The following NFIB variants were observed in gnomAD, a reference collection of about 807,000 sequenced individuals.
NFIB encodes the protein nuclear factor I B.
Under a neutral mutation model 61.5 loss-of-function variants are expected in NFIB, and 11 were observed. That is an observed-to-expected ratio of 0.18 (90% confidence interval 0.11 to 0.30). The LOEUF (loss-of-function observed/expected upper bound fraction) is 0.30. NFIB is among the 10% of genes least tolerant of loss of function. NFIB has a pLI of 1.00. For synonymous variants in NFIB, 260 were observed against 216.5 expected (o/e 1.20, Z -1.76); for missense variants, 471 against 608.9 (o/e 0.77, Z 2.38).
At chr9:14,524,407 A>G in the NFIB span, among the ~76,000 whole-genome samples, 1 of 152,210 alleles carries the variant, frequency 6.6e-6, no homozygotes, top group African/African-American at 2.4e-5. Context: ...CATTTACAAC[A>G]TAATGTACTG....
At chr9:14,095,958 C>T (rs1472859003) in intron 10 of NFIB, among the ~76,000 whole-genome samples, 1 of 152,124 alleles carries the variant, frequency 6.6e-6, no homozygotes, top group Non-Finnish European at 1.5e-5. Context: ...TCTTCAATTA[C>T]TTGACCTTAA....
intron 10 of NFIB, chr9:14,096,296 C>T (rs550264487): frequency 1.3e-5 from 2 of 152,274 alleles, no homozygotes; most frequent in East Asian, 1.9e-4. Context: ...TCCTCCCTCT[C>T]CAGTAGCGCT....
the NFIB span, among the ~76,000 whole-genome samples, chr9:14,449,634 C>T: frequency 6.6e-6 from 1 of 152,086 alleles, no homozygotes; most frequent in Non-Finnish European, 1.5e-5. Flanking sequence ...TCAAAACAGA[C>T]AAAAATATTT....
rs563266927 is a variant in NFIB at position 14,233,787 on chromosome 9, C to T, written c.563-54007G>A. On this transcript the variant is annotated intron_variant, in intron 2 of 10. Coordinates refer to ENST00000380953, the MANE Select transcript of NFIB (RefSeq NM_001190737.2). Reference sequence around the variant, plus strand: ...CAAACTACAAATATTGAAAGGTGAGCATATGTACAAAGACAAAATTAACTA... The same window carrying T: ...CAAACTACAAATATTGAAAGGTGAGTATATGTACAAAGACAAAATTAACTA... Among the ~76,000 whole-genome samples the T allele has an allele frequency of 3.9e-5, 6 of 152,218 alleles. No individual in the cohort carries two copies. In the East Asian group the frequency reaches 9.7e-4, roughly 25 times the overall value.
chr9:14,514,696 A>G, the NFIB span, among the ~76,000 whole-genome samples: 2 of 152,164 alleles, frequency 1.3e-5, no homozygotes, highest in Non-Finnish European at 2.9e-5. Flanking sequence ...GGTCTTTTTC[A>G]GCTAAAATAT....
At chr9:14,322,536 T>A (rs910432541) in intron 1 of NFIB, among the ~76,000 whole-genome samples, 9 of 152,066 alleles carry the variant, frequency 5.9e-5, no homozygotes, top group Non-Finnish European at 8.8e-5. Flanking sequence ...GCGCTCCTCC[T>A]GCAGTCGCCT....
At chr9:14,112,913 T>G (rs2037593402) in intron 10 of NFIB, 86 bp downstream of exon 10, 2 of 1,318,000 alleles carry the variant, frequency 1.5e-6, no homozygotes, top group Non-Finnish European at 2.1e-6. Context: ...GGAGCCCCCT[T>G]CTGAGTCCGG....
In NFIB at chr9:14,085,019, A is replaced by C. The variant is rs2032625695; in HGVS notation, c.*3290T>G. 8.7e-6 allele frequency: 2 copies of C among 228,698 alleles called. No homozygotes were observed. The highest frequency in any genetic ancestry group is 4.4e-5 in the African/African-American group (2 of 45,078). The allele number at this position is 228,698 out of a possible 1,614,324, so 14.2% of individuals were successfully genotyped here. A position where few individuals can be genotyped will look rare whatever the true frequency, so the allele number is the denominator to read the frequency against. On this transcript the variant is annotated 3_prime_UTR_variant, in exon 11 of 11. Transcript: ENST00000380953. The stretch of plus-strand genomic sequence containing the variant: ...AAATACTGTGTGTCCTGTGAGGTTC[A>C]TTTGTTCACCTAATAGGTCAAAGAT...
chr9:14,464,381 G>A, the NFIB span, among the ~76,000 whole-genome samples: 20 of 152,308 alleles, frequency 1.3e-4, no homozygotes, highest in Middle Eastern at 3.4e-3. Flanking sequence ...CTCTTAGGCA[G>A]TGCTGTGTGT....
the NFIB span, among the ~76,000 whole-genome samples, chr9:14,427,944 T>TTTTGTTTGTTTG: frequency 1.4e-4 from 12 of 83,180 alleles, no homozygotes; most frequent in Non-Finnish European, 2.7e-4. Context: ...GTTGTTTTTT[T>TTTTGTTTGTTTG]TTTTTTTTTT....
intron 2 of NFIB, among the ~76,000 whole-genome samples, chr9:14,241,802 C>A (rs942963573): frequency 6.6e-6 from 1 of 152,014 alleles, no homozygotes; most frequent in Non-Finnish European, 1.5e-5. Flanking sequence ...AAATTAAATC[C>A]CATTCTTCCT....
chr9:14,499,896 TA>T, the NFIB span, among the ~76,000 whole-genome samples: 1 of 152,200 alleles, frequency 6.6e-6, no homozygotes, highest in Non-Finnish European at 1.5e-5. Flanking sequence ...CAATCACCCT[TA>T]AAAGAGCACA....
At chr9:14,528,128 C>G in the NFIB span, among the ~76,000 whole-genome samples, 1 of 152,152 alleles carries the variant, frequency 6.6e-6, no homozygotes, top group Non-Finnish European at 1.5e-5. Flanking sequence ...TTCAACTTCT[C>G]AAAGGCTTCA....
Position 14,086,896 on chromosome 9 carries a change from G to C in NFIB, c.*1413C>G, listed in dbSNP as rs1355141459. The C allele has an allele frequency of 5.1e-6, 1 of 197,332 alleles. No individual in the cohort carries two copies. The highest frequency in any genetic ancestry group is 1.0e-5 in the Non-Finnish European group (1 of 95,514). The allele number at this position is 197,332 out of a possible 1,614,324, so 12.2% of individuals were successfully genotyped here. ...AGAGTATTTTTAATTAAAATTTTAA[G>C]AGACATAGAGGCAAAATGTGTCTGC... is the stretch of plus-strand genomic sequence containing the variant. On this transcript the variant is annotated 3_prime_UTR_variant, in exon 11 of 11. Coordinates refer to ENST00000380953, the MANE Select transcript of NFIB (RefSeq NM_001190737.2).
At chr9:14,141,497 CG>C (rs1189529835) in intron 6 of NFIB, among the ~76,000 whole-genome samples, 1 of 152,052 alleles carries the variant, frequency 6.6e-6, no homozygotes. Context: ...AGCATGGAGT[CG>C]GTTCTCTCAT....
chr9:14,379,143 T>A (rs73641915), intron 1 of NFIB, among the ~76,000 whole-genome samples: 3,208 of 152,310 alleles, frequency 0.021, 101 homozygotes, highest in African/African-American at 0.072. Context: ...CTGGTGTATC[T>A]CTCTTTCTAC....
rs1046141319 is a variant in NFIB, at chr9:14,179,744, G to C, written c.599C>G (p.Pro200Arg). 1 of 1,613,566 alleles carries C rather than the reference G, an allele frequency of 6.2e-7. No homozygotes were observed. The highest frequency in any genetic ancestry group is 8.5e-7 in the Non-Finnish European group (1 of 1,179,692). Residue 200 changes from proline to arginine, a missense_variant, in exon 3 of 11, where the codon CCT (proline) becomes CGT (arginine). Pro to Arg is a moderately radical substitution (Grantham distance 103). Coordinates refer to ENST00000380953, the MANE Select transcript of NFIB (RefSeq NM_001190737.2). ...GQSGSPSHND[P>R]AKNPPGYLED... ...ATATTTACCTGGAGGATTCTTGGCAGGATCATTGTGGCTTGGACTTCCTGA... is the reference window on the plus strand; with the variant it reads ...ATATTTACCTGGAGGATTCTTGGCACGATCATTGTGGCTTGGACTTCCTGA...
chr9:14,259,724 A>G (rs568580635), intron 2 of NFIB, among the ~76,000 whole-genome samples: 2 of 152,004 alleles, frequency 1.3e-5, no homozygotes, highest in Non-Finnish European at 2.9e-5. Flanking sequence ...AACATGGTGA[A>G]ATCCTGTCTC....
the NFIB span, among the ~76,000 whole-genome samples, chr9:14,529,140 A>T: frequency 1.3e-5 from 2 of 152,280 alleles, no homozygotes; most frequent in South Asian, 4.1e-4. Flanking sequence ...GTCTCAATAA[A>T]ATGTTTTTCC....
Sources: allele counts gnomAD v4.1 joint callset (sites outside exome capture counted in the v4.1 genomes callset), GRCh38; gene constraint gnomAD v4.1.1; transcripts MANE v1.5; gene names NCBI Gene and HGNC (gene_info 2026-07-23, HGNC 2026-07-21).